Variants in FUS observed in about 807,000 individuals in gnomAD.
The protein encoded by FUS is FUS RNA binding protein.
In FUS, 5 loss-of-function variants were observed where a neutral mutation model predicts 82.7. The ratio of observed to expected loss-of-function variants is 0.06; its 90% CI spans 0.03 to 0.13. The LOEUF (loss-of-function observed/expected upper bound fraction) is 0.13, where lower values mean the gene tolerates loss of function less well. Ranked by LOEUF, FUS falls within the 10% of genes least tolerant of loss-of-function variation. The pLI, the probability that FUS is intolerant of heterozygous loss-of-function variation, is 1.00. For synonymous variants in FUS, 281 were observed against 247.4 expected, an observed-to-expected ratio of 1.14 and a Z score of -1.27; for missense variants, 512 against 707.8, an observed-to-expected ratio of 0.72 and a Z score of 3.14.
intron 3 of FUS, chr16:31,183,133 C>T (rs2079206500): frequency 9.1e-6 from 2 of 219,438 alleles, no homozygotes; most frequent in Admixed American, 5.2e-5. Context: ...CATTGTGGCA[C>T]ACCTGTAGTC....
At chr16:31,190,888 CTTAA>C in intron 13 of FUS, 46 bp downstream of exon 13, 1 of 1,612,958 alleles carries the variant, frequency 6.2e-7, no homozygotes, top group South Asian at 1.1e-5. Flanking sequence ...CCAAAGAATC[CTTAA>C]TTTTTCAGCG....
Position 31,188,050 on chromosome 16 carries a change from C to G in FUS, c.800-275C>G, listed in dbSNP as rs138631439. The G allele has an allele frequency of 7.5e-3, 4,033 of 536,860 alleles. 34 individuals carry two copies. The highest frequency in any genetic ancestry group is 0.011 in the Non-Finnish European group (3,288 of 300,238). The allele number at this position is 536,860 out of a possible 1,614,324, so 33.3% of individuals were successfully genotyped here. A position where few individuals can be genotyped will look rare whatever the true frequency, so the allele number is the denominator to read the frequency against. Reference sequence around the variant, plus strand: ...CTGCCACCTGTGCTGAGGACATTTCCCAGCCTGAGCTGGGGGAGGCAGCAT... The same window carrying G: ...CTGCCACCTGTGCTGAGGACATTTCGCAGCCTGAGCTGGGGGAGGCAGCAT... On this transcript the variant is annotated intron_variant, in intron 7 of 14. Coordinates refer to ENST00000254108, the MANE Select transcript of FUS (RefSeq NM_004960.4).
chr16:31,193,384 C>T (rs1055255026), downstream of FUS: 10 of 526,180 alleles, frequency 1.9e-5, no homozygotes, highest in Non-Finnish European at 3.7e-5. Flanking sequence ...CTCTCCGTCC[C>T]TGCCACTGCT....
chr16:31,186,334 A>G, intron 6 of FUS: 1 of 307,316 alleles, frequency 3.3e-6, no homozygotes, highest in African/African-American at 2.1e-5. Context: ...TTTGGTTTTG[A>G]CTTTTTATGG....
chr16:31,192,887 C>T (rs2079379553), downstream of FUS: 2 of 485,940 alleles, frequency 4.1e-6, no homozygotes, highest in Non-Finnish European at 8.2e-6. Context: ...CTCAAATTTT[C>T]AAGTGTTCCA....
In FUS at chr16:31,189,914, A is replaced by G; in HGVS notation, c.1066+120A>G. ...CAACACTTACTTTAGCTGCGGTTTCAGGTAGTCTCATTTTTGCTTATGTGT... is the reference window on the plus strand; with the variant it reads ...CAACACTTACTTTAGCTGCGGTTTCGGGTAGTCTCATTTTTGCTTATGTGT... On this transcript the variant is annotated intron_variant, in intron 10 of 14. Transcript: ENST00000254108. The G allele has an allele frequency of 1.2e-5, 19 of 1,583,350 alleles. 1 individual carries two copies. In the South Asian group the frequency reaches 2.1e-4, roughly 18 times the overall value.
In FUS at chr16:31,184,919, C is replaced by G; in HGVS notation, c.524-20C>G. ...AATCTTTTTGTTTTTTTTTTTTAAT[C>G]ATTCTTTCTTTTCTCACAGGTAACT... On this transcript the variant is annotated intron_variant, in intron 5 of 14. Coordinates refer to ENST00000254108, the MANE Select transcript of FUS (RefSeq NM_004960.4). The G allele has an allele frequency of 5.7e-6, 9 of 1,577,762 alleles. No homozygotes were observed. Among genetic ancestry groups the G allele is most frequent in the Non-Finnish European group, 7.8e-6 (9 of 1,154,162 alleles).
At chr16:31,192,098 A>G (rs1204127846), downstream of FUS, 2 of 532,162 alleles carry the variant, frequency 3.8e-6, no homozygotes, top group Non-Finnish European at 7.3e-6. Context: ...CTAGGAGGTG[A>G]GTGACTCCCT....
chr16:31,189,117 A>G lies in FUS; in HGVS notation c.833-6A>G, dbSNP rs942413072. 6 of 1,602,498 alleles carry G rather than the reference A, an allele frequency of 3.7e-6. No individual in the cohort carries two copies. Among genetic ancestry groups the G allele is most frequent in the Non-Finnish European group, 5.1e-6 (6 of 1,169,506 alleles). On this transcript the variant is annotated splice_polypyrimidine_tract_variant and splice_region_variant and intron_variant, in intron 8 of 14. Transcript: ENST00000254108. Reference sequence around the variant, plus strand: ...CACATTTGCATTTTCTCTGTTCAACAAGCAGAACAGGATAATTCAGACAAC... The same window carrying G: ...CACATTTGCATTTTCTCTGTTCAACGAGCAGAACAGGATAATTCAGACAAC...
Position 31,190,737 on chromosome 16 carries a change from C to T in FUS, c.1293-5C>T. On this transcript the variant is annotated splice_region_variant and splice_polypyrimidine_tract_variant and intron_variant, in intron 12 of 14. Coordinates refer to ENST00000254108, the MANE Select transcript of FUS (RefSeq NM_004960.4). ...TCCAGACTGATTGTCTTCCTTTCTC[C>T]TTAGCACCTGTGAGAATATGAACTT... The T allele has an allele frequency of 1.2e-6, 2 of 1,613,440 alleles. No homozygotes were observed. Among genetic ancestry groups the T allele is most frequent in the African/African-American group, 2.7e-5 (2 of 75,022 alleles).
intron 6 of FUS, chr16:31,186,565 T>A: frequency 1.7e-6 from 1 of 576,856 alleles, no homozygotes; most frequent in South Asian, 2.2e-5. Context: ...AGGAAATAGA[T>A]AACGTAACCT....
Position 31,180,167 on chromosome 16 carries a change from C to G in FUS, c.-48C>G, listed in dbSNP as rs199671743. The G allele has an allele frequency of 1.1e-5, 18 of 1,603,414 alleles. No individual in the cohort carries two copies. The highest frequency in any genetic ancestry group is 3.4e-5 in the South Asian group (3 of 89,516). Reference sequence around the variant, plus strand: ...CAGTCCTCCAGGCGTCGGTACTCAGCGGTGTTGGAACTTCGTTGCTTGCTT... The same window carrying G: ...CAGTCCTCCAGGCGTCGGTACTCAGGGGTGTTGGAACTTCGTTGCTTGCTT... On this transcript the variant is annotated 5_prime_UTR_variant, in exon 1 of 15. Transcript: ENST00000254108.
chr16:31,191,619 C>T (rs1007188107), downstream of FUS: 35 of 746,320 alleles, frequency 4.7e-5, no homozygotes, highest in East Asian at 9.1e-4. Context: ...TGTTCCTCTT[C>T]CCCCTTTTCA....
chr16:31,186,917 TAA>T (rs1268366316), intron 7 of FUS, 81 bp downstream of exon 7: 6 of 1,373,124 alleles, frequency 4.4e-6, no homozygotes, highest in Non-Finnish European at 5.2e-6. Context: ...CTTAGCGTGT[TAA>T]TTTAAATGTC....
At chr16:31,191,846 A>C (rs553760130), downstream of FUS, 13 of 553,320 alleles carry the variant, frequency 2.3e-5, 1 homozygote, top group East Asian at 3.8e-4. Context: ...TTGCCCAGCT[A>C]TGGGGAATTT....
At chr16:31,181,506 C>G (rs2735392) in intron 1 of FUS, among the ~76,000 whole-genome samples, 1 of 152,182 alleles carries the variant, frequency 6.6e-6, no homozygotes, top group Non-Finnish European at 1.5e-5. Context: ...GTTGCATGAT[C>G]TCTGTCATTT....
downstream of FUS, chr16:31,191,690 C>G (rs755019394): frequency 2.0e-5 from 14 of 685,578 alleles, no homozygotes; most frequent in Non-Finnish European, 3.5e-5. Context: ...TCAGATTACC[C>G]TGCCCAGCAG....
downstream of FUS, chr16:31,193,375 T>C (rs1485266849): frequency 3.8e-6 from 2 of 525,778 alleles, no homozygotes; most frequent in East Asian, 8.1e-5. Flanking sequence ...GTGGCAGTTC[T>C]CTCCGTCCCT....
chr16:31,190,924 G>A (rs376132274), intron 13 of FUS, 39 bp from the exon 14 acceptor site: 1 of 1,612,070 alleles, frequency 6.2e-7, no homozygotes, highest in African/African-American at 1.3e-5. Flanking sequence ...GGAACATAGG[G>A]GAATGGGAAT....
Sources: allele counts gnomAD v4.1 joint callset (sites outside exome capture counted in the v4.1 genomes callset), GRCh38; gene constraint gnomAD v4.1.1; transcripts MANE v1.5; gene names NCBI Gene and HGNC (gene_info 2026-07-23, HGNC 2026-07-21).